Variants in FGF14 observed in about 807,000 individuals in gnomAD.
FGF14 encodes fibroblast growth factor homologous factor 4.
FGF14 carries 5 observed loss-of-function variants against 25.5 expected under a neutral mutation model. That is an observed-to-expected ratio of 0.20 (90% CI 0.10 to 0.41). The LOEUF (loss-of-function observed/expected upper bound fraction) is 0.41, where lower values mean the gene tolerates loss of function less well. FGF14 is among the 10% of genes least tolerant of loss of function. The pLI, the probability that FGF14 is intolerant of heterozygous loss-of-function variation, is 1.00. For synonymous variants in FGF14, 138 were observed against 118.3 expected (o/e 1.17, Z -1.08); for missense variants, 222 against 320.1 (o/e 0.69, Z 2.34).
At chr13:102,389,463 C>A (rs2058381370) in intron 1 of FGF14, among the ~76,000 whole-genome samples, 1 of 152,178 alleles carries the variant, frequency 6.6e-6, no homozygotes, top group South Asian at 2.1e-4. Flanking sequence ...AGTTACCTTG[C>A]AGAAATAGAT....
At chr13:102,361,300 A>T (rs904102390) in intron 1 of FGF14, among the ~76,000 whole-genome samples, 7 of 152,166 alleles carry the variant, frequency 4.6e-5, no homozygotes, top group Non-Finnish European at 1.0e-4. Context: ...AACAGGCAGA[A>T]TATTATTCAC....
At chr13:102,074,496 TAGA>T (rs2043281577) in intron 1 of FGF14, among the ~76,000 whole-genome samples, 3 of 152,226 alleles carry the variant, frequency 2.0e-5, no homozygotes, top group Admixed American at 1.3e-4. Context: ...GGTGTCATGT[TAGA>T]CACTGGAAAC....
At chr13:101,919,042 T>C (rs990364040), upstream of FGF14, among the ~76,000 whole-genome samples, 1 of 152,218 alleles carries the variant, frequency 6.6e-6, no homozygotes, top group Non-Finnish European at 1.5e-5. Context: ...TCTCTTTTCT[T>C]CCATTTTTTT....
intron 1 of FGF14, among the ~76,000 whole-genome samples, chr13:102,042,817 A>G (rs1179122122): frequency 2.6e-5 from 4 of 152,202 alleles, no homozygotes; most frequent in Admixed American, 2.0e-4. Flanking sequence ...TTTATTCAAA[A>G]GGCAGGCTGT....
At chr13:102,237,585 G>GGAA (rs35181308) in intron 1 of FGF14, among the ~76,000 whole-genome samples, 1 of 135,600 alleles carries the variant, frequency 7.4e-6, no homozygotes, top group Non-Finnish European at 1.6e-5. Context: ...TTACACTTCA[G>GGAA]AAAAAAAAAA....
chr13:102,016,421 A>C lies in FGF14; in HGVS notation c.209-141125T>G, dbSNP rs188305179. 9.2e-5 allele frequency among the ~76,000 whole-genome samples: 14 copies of C among 152,296 alleles called. No individual in the cohort carries two copies. The East Asian group carries it at 2.7e-3, about 29-fold the overall frequency. ...AACAAACAAGGAATAATGTGAGACA[A>C]CTGAGATTAGTTAATTGCTATAGCT... On this transcript the variant is annotated intron_variant, in intron 1 of 4. Transcript: ENST00000376131.
chr13:102,362,824 TTAAA>T (rs1756053087), intron 1 of FGF14, among the ~76,000 whole-genome samples: 1 of 152,170 alleles, frequency 6.6e-6, no homozygotes, highest in Non-Finnish European at 1.5e-5. Flanking sequence ...AAATCAAATT[TTAAA>T]TAACGATTTT....
intron 3 of FGF14, among the ~76,000 whole-genome samples, chr13:101,772,475 C>T (rs889389374): frequency 1.3e-5 from 2 of 152,040 alleles, no homozygotes; most frequent in Non-Finnish European, 2.9e-5. Context: ...GGGTTGGGTG[C>T]TCTCTTTATT....
At chr13:102,148,793 A>C (rs1459112795) in intron 1 of FGF14, among the ~76,000 whole-genome samples, 1 of 152,202 alleles carries the variant, frequency 6.6e-6, no homozygotes, top group Admixed American at 6.5e-5. Context: ...TCAGTCTCAA[A>C]AAAATAATTA....
chr13:102,160,674 C>A (rs1177013758), intron 1 of FGF14, among the ~76,000 whole-genome samples: 1 of 151,974 alleles, frequency 6.6e-6, no homozygotes, highest in East Asian at 1.9e-4. Flanking sequence ...AGGGACTGCC[C>A]TTTCACAAAA....
chr13:102,382,288 T>C (rs1218896043), intron 1 of FGF14, among the ~76,000 whole-genome samples: 2 of 151,944 alleles, frequency 1.3e-5, no homozygotes, highest in Non-Finnish European at 2.9e-5. Context: ...AACTCAAAAA[T>C]AGAAAGACAA....
intron 1 of FGF14, among the ~76,000 whole-genome samples, chr13:102,342,991 G>C (rs2056997660): frequency 6.6e-6 from 1 of 152,092 alleles, no homozygotes; most frequent in Non-Finnish European, 1.5e-5. Context: ...TACAAAATCA[G>C]TAAGAGTAAG....
At chr13:102,249,549 GGT>G (rs55773652) in intron 1 of FGF14, among the ~76,000 whole-genome samples, 68,561 of 150,124 alleles carry the variant, frequency 0.46, 16,180 homozygotes, top group East Asian at 0.63. Context: ...TACTGAGAGG[GGT>G]GTGTGTGTGT....
intron 1 of FGF14, among the ~76,000 whole-genome samples, chr13:102,137,286 T>C (rs2046452431): frequency 6.6e-6 from 1 of 152,346 alleles, no homozygotes; most frequent in South Asian, 2.1e-4. Flanking sequence ...CCAAAATTTA[T>C]GACTAAATAG....
At chr13:101,933,734 C>A (rs527917766) in intron 1 of FGF14, among the ~76,000 whole-genome samples, 1 of 152,070 alleles carries the variant, frequency 6.6e-6, no homozygotes, top group Non-Finnish European at 1.5e-5. Flanking sequence ...AAAAAACAAA[C>A]AAACAAACAA....
Position 101,795,277 on chromosome 13 carries a change from G to T in FGF14, c.409-68467C>A, listed in dbSNP as rs535077403. Among the ~76,000 whole-genome samples, 177 of 145,242 alleles carry T rather than the reference G, an allele frequency of 1.2e-3. 1 individual carries two copies. Among genetic ancestry groups the T allele is most frequent in the Middle Eastern group, 6.8e-3 (2 of 292 alleles). Reference sequence around the variant, plus strand: ...CAGCAGTTACAGTTTGCCAAATGCTGCCCTAAGCTGTTGTTTGATTGTTAA... The same window carrying T: ...CAGCAGTTACAGTTTGCCAAATGCTTCCCTAAGCTGTTGTTTGATTGTTAA... On this transcript the variant is annotated intron_variant, in intron 3 of 4. Coordinates refer to ENST00000376143, the MANE Select transcript of FGF14 (RefSeq NM_004115.4).
chr13:101,944,305 G>A (rs1489973093), intron 1 of FGF14, among the ~76,000 whole-genome samples: 1 of 152,030 alleles, frequency 6.6e-6, no homozygotes, highest in African/African-American at 2.4e-5. Context: ...GTTTGTCACA[G>A]AACACATCCC....
chr13:102,199,327 C>T (rs2049507357), intron 1 of FGF14, among the ~76,000 whole-genome samples: 1 of 152,102 alleles, frequency 6.6e-6, no homozygotes, highest in African/African-American at 2.4e-5. Flanking sequence ...TTCCTTCTAC[C>T]ACTTTACCTC....
chr13:101,822,342 T>G (rs560414807), intron 3 of FGF14, among the ~76,000 whole-genome samples: 1 of 152,272 alleles, frequency 6.6e-6, no homozygotes, highest in African/African-American at 2.4e-5. Flanking sequence ...AATATTAAAT[T>G]TTCCTATACT....
Sources: allele counts gnomAD v4.1 joint callset (sites outside exome capture counted in the v4.1 genomes callset), GRCh38; gene constraint gnomAD v4.1.1; transcripts MANE v1.5; gene names NCBI Gene and HGNC (gene_info 2026-07-23, HGNC 2026-07-21).